Variants in STX18 observed in about 807,000 individuals in gnomAD.
The protein encoded by STX18 is syntaxin-18.
A neutral mutation model predicts 50.1 loss-of-function variants in STX18; 40 were observed. That is an observed-to-expected ratio of 0.80 (90% CI 0.62 to 1.04). The LOEUF (loss-of-function observed/expected upper bound fraction) is 1.04. Among genes scored for constraint, STX18 ranks in the 50% least tolerant of loss-of-function variants. STX18 has a pLI of 0.00. For missense variants in STX18, 410 were observed against 415.8 expected (o/e 0.99, Z 0.12); for synonymous variants, 158 against 151.8 (o/e 1.04, Z -0.30).
chr4:4,486,911 C>T (rs958579939), intron 1 of STX18, among the ~76,000 whole-genome samples: 3 of 152,164 alleles, frequency 2.0e-5, no homozygotes, highest in East Asian at 1.9e-4. Context: ...CACAGAGTCA[C>T]GAACATCTAA....
intron 1 of STX18, among the ~76,000 whole-genome samples, chr4:4,520,359 T>G (rs1309672878): frequency 6.6e-6 from 1 of 152,226 alleles, no homozygotes; most frequent in African/African-American, 2.4e-5. Context: ...GTCTCCTTCC[T>G]TCCACACACA....
chr4:4,471,756 T>C (rs370848426), intron 1 of STX18, 50 bp from the exon 2 acceptor site: 34 of 1,282,802 alleles, frequency 2.7e-5, no homozygotes, highest in South Asian at 8.6e-5. Flanking sequence ...GTTACACTCA[T>C]GTAATGAATT....
chr4:4,491,629 T>A (rs1577370709), intron 1 of STX18, among the ~76,000 whole-genome samples: 1 of 152,210 alleles, frequency 6.6e-6, no homozygotes, highest in South Asian at 2.1e-4. Context: ...TCAAAGCTGC[T>A]TAGAAAATGG....
intron 5 of STX18, among the ~76,000 whole-genome samples, chr4:4,444,685 G>A (rs1273051543): frequency 6.6e-6 from 1 of 152,158 alleles, no homozygotes; most frequent in Non-Finnish European, 1.5e-5. Context: ...GTATAATAGT[G>A]TTTCTGAGTT....
chr4:4,537,222 ACTC>A (rs903973666), intron 1 of STX18, among the ~76,000 whole-genome samples: 85 of 151,716 alleles, frequency 5.6e-4, no homozygotes, highest in African/African-American at 2.0e-3. Context: ...GTCATTATAA[ACTC>A]CTGCATTTTC....
At chr4:4,512,365 G>C (rs1038277714) in intron 1 of STX18, among the ~76,000 whole-genome samples, 27 of 152,054 alleles carry the variant, frequency 1.8e-4, no homozygotes, top group African/African-American at 6.3e-4. Context: ...AAAGGATTCT[G>C]ATTGGCCTGA....
At chr4:4,541,766 C>T (rs749935366) in intron 1 of STX18, 31 bp downstream of exon 1, 1 of 1,587,652 alleles carries the variant, frequency 6.3e-7, no homozygotes, top group Non-Finnish European at 8.6e-7. Context: ...GCCCCCTCCT[C>T]AACCCGCCGT....
chr4:4,504,621 C>T (rs1264567686), intron 1 of STX18, among the ~76,000 whole-genome samples: 1 of 152,054 alleles, frequency 6.6e-6, no homozygotes, highest in East Asian at 1.9e-4. Context: ...AAAGTCAAAA[C>T]TAAGAAAACA....
chr4:4,468,474 G>A (rs576584911), intron 2 of STX18, among the ~76,000 whole-genome samples: 2 of 152,178 alleles, frequency 1.3e-5, no homozygotes, highest in African/African-American at 4.8e-5. Flanking sequence ...GAGACACACA[G>A]ACCTAGTACG....
chr4:4,424,373 A>G (rs181148371), intron 8 of STX18, among the ~76,000 whole-genome samples: 1 of 139,616 alleles, frequency 7.2e-6, no homozygotes, highest in Non-Finnish European at 1.5e-5. Context: ...ACAGTATCAC[A>G]GTGGCAGGGG....
chr4:4,455,077 C>T (rs1387680041), intron 5 of STX18, among the ~76,000 whole-genome samples: 6 of 152,324 alleles, frequency 3.9e-5, no homozygotes, highest in South Asian at 2.1e-4. Flanking sequence ...CAAAGTCACA[C>T]AGTTTGAAAG....
At chr4:4,524,301 C>A (rs935004023) in intron 1 of STX18, among the ~76,000 whole-genome samples, 1 of 152,200 alleles carries the variant, frequency 6.6e-6, no homozygotes, top group Non-Finnish European at 1.5e-5. Context: ...TTGCTCCCCT[C>A]CTTCTGGGAA....
intron 1 of STX18, among the ~76,000 whole-genome samples, chr4:4,535,896 T>G (rs1336910142): frequency 2.0e-5 from 3 of 152,122 alleles, no homozygotes; most frequent in Non-Finnish European, 4.4e-5. Flanking sequence ...TAGGTAAAAT[T>G]TATAATCCAG....
chr4:4,522,945 C>T (rs1440966951), intron 1 of STX18, among the ~76,000 whole-genome samples: 1 of 152,232 alleles, frequency 6.6e-6, no homozygotes, highest in East Asian at 1.9e-4. Context: ...AATGTACAAA[C>T]ACATGTGTTT....
chr4:4,521,055 T>C (rs1730485239), intron 1 of STX18, among the ~76,000 whole-genome samples: 1 of 152,166 alleles, frequency 6.6e-6, no homozygotes, highest in South Asian at 2.1e-4. Flanking sequence ...TACCAAAGAC[T>C]ACTCACCCAT....
intron 1 of STX18, among the ~76,000 whole-genome samples, chr4:4,530,135 T>C (rs1731028023): frequency 6.6e-6 from 1 of 152,158 alleles, no homozygotes; most frequent in African/African-American, 2.4e-5. Flanking sequence ...TGCCAGGAGT[T>C]TTACTTGTTC....
chr4:4,447,472 T>A (rs1166464886), intron 5 of STX18, among the ~76,000 whole-genome samples: 2 of 151,138 alleles, frequency 1.3e-5, no homozygotes, highest in Non-Finnish European at 3.0e-5. Context: ...GCGCCTGTAG[T>A]CCCAGCTACT....
At chr4:4,538,391 G>A (rs547406544) in intron 1 of STX18, among the ~76,000 whole-genome samples, 3 of 152,210 alleles carry the variant, frequency 2.0e-5, no homozygotes, top group South Asian at 2.1e-4. Flanking sequence ...CATCTTTTAC[G>A]AATGCAGACA....
intron 7 of STX18, among the ~76,000 whole-genome samples, chr4:4,433,176 T>C (rs1288111522): frequency 6.6e-6 from 1 of 152,250 alleles, no homozygotes; most frequent in Non-Finnish European, 1.5e-5. Flanking sequence ...CCTACTTGAC[T>C]GGATTGTCAT....
Sources: allele counts gnomAD v4.1 joint callset (sites outside exome capture counted in the v4.1 genomes callset), GRCh38; gene constraint gnomAD v4.1.1; transcripts MANE v1.5; gene names NCBI Gene and HGNC (gene_info 2026-07-23, HGNC 2026-07-21).